The following KPNA1 variants were observed in gnomAD, a reference collection of about 807,000 sequenced individuals.
KPNA1 encodes importin subunit alpha-5.
Under a neutral mutation model 70.5 loss-of-function variants are expected in KPNA1, and 10 were observed. The observed-to-expected ratio is 0.14, with a 90% confidence interval of 0.09 to 0.24. The LOEUF (loss-of-function observed/expected upper bound fraction) is 0.24, where lower values mean the gene tolerates loss of function less well. Ranked by LOEUF, KPNA1 falls within the 10% of genes least tolerant of loss-of-function variation. KPNA1 has a pLI of 1.00. For synonymous variants in KPNA1, 192 were observed against 221.9 expected (o/e 0.87, Z 1.20); for missense variants, 397 against 637.9 (o/e 0.62, Z 4.07).
At chr3:122,487,857 AC>A (rs2076648043) in intron 2 of KPNA1, among the ~76,000 whole-genome samples, 1 of 152,226 alleles carries the variant, frequency 6.6e-6, no homozygotes, top group Non-Finnish European at 1.5e-5. Context: ...TATTGTTAAC[AC>A]TACTGAACTG....
chr3:122,475,508 T>A (rs938872894), intron 2 of KPNA1, among the ~76,000 whole-genome samples: 7 of 152,126 alleles, frequency 4.6e-5, no homozygotes, highest in Non-Finnish European at 7.4e-5. Flanking sequence ...ATCCTAAAAT[T>A]CATATGGACC....
intron 2 of KPNA1, among the ~76,000 whole-genome samples, chr3:122,468,976 T>C (rs1350224413): frequency 2.6e-5 from 4 of 152,074 alleles, no homozygotes; most frequent in African/African-American, 7.2e-5. Flanking sequence ...AATGGTATAA[T>C]AAACATGGAA....
Position 122,430,935 on chromosome 3 carries a change from G to A in KPNA1, c.1250+2726C>T, listed in dbSNP as rs139456916. Among the ~76,000 whole-genome samples the A allele has an allele frequency of 4.6e-3, 702 of 152,208 alleles. 1 individual carries two copies. Among genetic ancestry groups the A allele is most frequent in the South Asian group, 0.017 (80 of 4,826 alleles). ...CATCCTTGTGAAAGAACGACCTATA[G>A]CAAGACTGACCTGCCACCTCCAAAA... On this transcript the variant is annotated intron_variant, in intron 12 of 13. Coordinates refer to ENST00000344337, the MANE Select transcript of KPNA1 (RefSeq NM_002264.4).
intron 10 of KPNA1, among the ~76,000 whole-genome samples, chr3:122,440,859 A>G (rs2076053249): frequency 6.6e-6 from 1 of 152,246 alleles, no homozygotes; most frequent in Non-Finnish European, 1.5e-5. Context: ...TACAGGGAAC[A>G]TAAGCAGAGG....
chr3:122,496,629 A>G, intron 1 of KPNA1, 59 bp from the exon 2 acceptor site: 1 of 1,517,904 alleles, frequency 6.6e-7, no homozygotes, highest in South Asian at 1.2e-5. Context: ...TGTTATTCTA[A>G]GAGCTCAGTC....
intron 2 of KPNA1, among the ~76,000 whole-genome samples, chr3:122,486,046 T>C (rs777282426): frequency 6.6e-6 from 1 of 152,132 alleles, no homozygotes; most frequent in Non-Finnish European, 1.5e-5. Context: ...GGTAAAATAG[T>C]ACAACCTATT....
intron 9 of KPNA1, among the ~76,000 whole-genome samples, chr3:122,443,605 AATAAAG>A (rs1186358102): frequency 1.3e-5 from 2 of 152,170 alleles, no homozygotes. Context: ...CAGTCTAAGA[AATAAAG>A]AGAAAGAGTA....
intron 2 of KPNA1, among the ~76,000 whole-genome samples, chr3:122,478,167 AAAAAAAAAAG>A (rs556968761): frequency 2.0e-5 from 3 of 151,202 alleles, no homozygotes; most frequent in Non-Finnish European, 4.4e-5. Context: ...TCTCAAAAAA[AAAAAAAAAAG>A]AAAAGAAAAA....
At chr3:122,445,378 T>A (rs2076123699) in intron 9 of KPNA1, among the ~76,000 whole-genome samples, 1 of 151,488 alleles carries the variant, frequency 6.6e-6, no homozygotes, top group Admixed American at 6.6e-5. Context: ...AGAAGAGTTT[T>A]CAAAAGAGTT....
chr3:122,493,804 C>T (rs552150411), intron 2 of KPNA1, among the ~76,000 whole-genome samples: 1 of 152,238 alleles, frequency 6.6e-6, no homozygotes, highest in African/African-American at 2.4e-5. Flanking sequence ...AGGCTGGTCT[C>T]GAACTCCTGA....
At chr3:122,474,733 C>T (rs898655475) in intron 2 of KPNA1, among the ~76,000 whole-genome samples, 1 of 152,108 alleles carries the variant, frequency 6.6e-6, no homozygotes, top group African/African-American at 2.4e-5. Flanking sequence ...GAATGTGAAT[C>T]ACATTAACAG....
At chr3:122,480,636 T>C (rs561971343) in intron 2 of KPNA1, among the ~76,000 whole-genome samples, 42 of 151,194 alleles carry the variant, frequency 2.8e-4, no homozygotes, top group Non-Finnish European at 4.4e-4. Flanking sequence ...GAAACAGTAA[T>C]AATGTGGTAC....
chr3:122,467,081 A>G (rs1234712136), intron 3 of KPNA1, among the ~76,000 whole-genome samples: 1 of 149,254 alleles, frequency 6.7e-6, no homozygotes, highest in Non-Finnish European at 1.5e-5. Flanking sequence ...CAACTTTTAA[A>G]GAGTAATTTT....
At chr3:122,500,832 T>C (rs988870051) in intron 1 of KPNA1, among the ~76,000 whole-genome samples, 1 of 151,958 alleles carries the variant, frequency 6.6e-6, no homozygotes, top group Non-Finnish European at 1.5e-5. Context: ...TTTTTCTCAA[T>C]CTAGCTAAAA....
intron 9 of KPNA1, among the ~76,000 whole-genome samples, chr3:122,448,382 G>T (rs1391283351): frequency 6.6e-6 from 1 of 152,126 alleles, no homozygotes; most frequent in Non-Finnish European, 1.5e-5. Flanking sequence ...AGAAAATGTG[G>T]TACATATACA....
chr3:122,486,776 C>T (rs1284030890), intron 2 of KPNA1, among the ~76,000 whole-genome samples: 1 of 151,996 alleles, frequency 6.6e-6, no homozygotes. Context: ...TTAGTAGAGT[C>T]GGGGTTTCAC....
At chr3:122,494,493 G>A (rs546734330) in intron 2 of KPNA1, among the ~76,000 whole-genome samples, 7 of 152,180 alleles carry the variant, frequency 4.6e-5, no homozygotes, top group African/African-American at 1.7e-4. Context: ...TGACTTATAT[G>A]TCTACTTTTA....
At chr3:122,452,769 G>C (rs1041834935) in intron 6 of KPNA1, among the ~76,000 whole-genome samples, 11 of 151,444 alleles carry the variant, frequency 7.3e-5, no homozygotes, top group Non-Finnish European at 1.2e-4. Context: ...GAGAGACGGA[G>C]AGAAGGAGAG....
intron 2 of KPNA1, among the ~76,000 whole-genome samples, chr3:122,484,509 G>T (rs2076606989): frequency 6.6e-6 from 1 of 152,076 alleles, no homozygotes; most frequent in South Asian, 2.1e-4. Context: ...TAGCTGGCAT[G>T]GTGGTGGGCG....
Sources: allele counts gnomAD v4.1 joint callset (sites outside exome capture counted in the v4.1 genomes callset), GRCh38; gene constraint gnomAD v4.1.1; transcripts MANE v1.5; gene names NCBI Gene and HGNC (gene_info 2026-07-23, HGNC 2026-07-21).